The following FLACC1 variants were observed in gnomAD, a reference collection of about 807,000 sequenced individuals.
FLACC1 encodes flagellum-associated coiled-coil domain-containing protein 1.
In FLACC1, 66 loss-of-function variants were observed where a neutral mutation model predicts 62.8. The ratio of observed to expected loss-of-function variants is 1.05; its 90% CI spans 0.86 to 1.29. The LOEUF is 1.29. FLACC1 is among the 50% of genes most tolerant of loss of function. FLACC1 has a pLI of 0.00. For synonymous variants in FLACC1, 156 were observed against 161.0 expected, an observed-to-expected ratio of 0.97 and a Z score of 0.24; for missense variants, 452 against 489.1, an observed-to-expected ratio of 0.92 and a Z score of 0.71.
At chr2:201,299,917 T>C (rs768878288) in intron 11 of FLACC1, among the ~76,000 whole-genome samples, 80 of 152,150 alleles carry the variant, frequency 5.3e-4, no homozygotes, top group Non-Finnish European at 1.5e-4. Flanking sequence ...GACTGGGTAA[T>C]TTATAAAGAA....
intron 6 of FLACC1, among the ~76,000 whole-genome samples, chr2:201,342,650 T>C (rs1950834674): frequency 6.6e-6 from 1 of 152,258 alleles, no homozygotes; most frequent in African/African-American, 2.4e-5. Flanking sequence ...TGTTGTTTTG[T>C]ACTTATTCAG....
chr2:201,346,152 G>C lies in FLACC1; in HGVS notation c.368+390C>G, dbSNP rs1304281991. ...TAAACTCCAGCCTGGGTGGCAGAGAGAGACTCTGTCTCAAAAAAAAAAGTG... is the reference window on the plus strand; with the variant it reads ...TAAACTCCAGCCTGGGTGGCAGAGACAGACTCTGTCTCAAAAAAAAAAGTG... On this transcript the variant is annotated intron_variant, in intron 5 of 14. Coordinates refer to ENST00000392257, the MANE Select transcript of FLACC1 (RefSeq NM_001127391.3). This position sits in a 1 kb window ranked among gnomAD's most constrained non-coding sequence, Gnocchi z 4.0. 1.3e-5 allele frequency among the ~76,000 whole-genome samples: 2 copies of C among 151,892 alleles called. No homozygotes were observed. The highest frequency in any genetic ancestry group is 4.8e-5 in the African/African-American group (2 of 41,344).
At chr2:201,334,937 T>C (rs1447514656) in intron 7 of FLACC1, among the ~76,000 whole-genome samples, 1 of 152,096 alleles carries the variant, frequency 6.6e-6, no homozygotes, top group Non-Finnish European at 1.5e-5. Context: ...TTTTTTTGGA[T>C]GGTAGGCTTT....
At chr2:201,310,251 C>CTATGA (rs370477817) in intron 9 of FLACC1, among the ~76,000 whole-genome samples, 30,833 of 152,012 alleles carry the variant, frequency 0.2, 3,365 homozygotes, top group South Asian at 0.3. Context: ...GATGTTTTCC[C>CTATGA]TGAATATACC....
rs1467130304 is a variant in FLACC1, at chr2:201,344,181, C to A, written c.451G>T (p.Ala151Ser). The change falls in exon 6 of 15, where the codon GCC (alanine) becomes TCC (serine). Residue 151 changes from alanine to serine, a missense_variant. Transcript: ENST00000392257. ...IEQMNRDHQS[A>S]QKLLSSEMDL... The stretch of plus-strand genomic sequence containing the variant: ...GTAAGGTCACTCACCAATTTCTGGG[C>A]AGACTGGTGGTCTCTGTTCATTTGT... 2 of 1,610,874 alleles carry A rather than the reference C, an allele frequency of 1.2e-6. No individual in the cohort carries two copies.
At chr2:201,306,540 T>G (rs1486434165) in intron 11 of FLACC1, among the ~76,000 whole-genome samples, 2 of 152,158 alleles carry the variant, frequency 1.3e-5, no homozygotes, top group African/African-American at 2.4e-5. Context: ...ACAAAAATTA[T>G]TCAAAATAGA....
chr2:201,292,793 C>T (rs1170958665), intron 12 of FLACC1, among the ~76,000 whole-genome samples: 6 of 152,086 alleles, frequency 3.9e-5, no homozygotes, highest in Non-Finnish European at 7.3e-5. Context: ...CATGCAGAGA[C>T]ACACAGAGGC....
At chr2:201,358,036 T>C (rs1400890387), upstream of FLACC1, among the ~76,000 whole-genome samples, 1 of 152,246 alleles carries the variant, frequency 6.6e-6, no homozygotes, top group Admixed American at 6.5e-5. Context: ...GATTTCATGA[T>C]CCTGGTGGGT....
chr2:201,353,803 G>T (rs1951071707), intron 1 of FLACC1, among the ~76,000 whole-genome samples: 1 of 152,150 alleles, frequency 6.6e-6, no homozygotes, highest in Non-Finnish European at 1.5e-5. Flanking sequence ...TCGCCATGTT[G>T]ATCAGGCTGA....
Position 201,351,331 on chromosome 2 carries a change from G to T in FLACC1, c.74C>A (p.Thr25Asn), listed in dbSNP as rs1951023731. ...GGAGTTCTTGCGTGGTAGTTGAGGG[G>T]TCTTGATTAGCTTCCGTGGTCCCAA... is the stretch of plus-strand genomic sequence containing the variant. ...WNLGPRKLIK[T>N]PQLPRKNSTG... Residue 25 changes from threonine to asparagine, a missense_variant, in exon 2 of 15, where the codon ACC becomes AAC. Thr to Asn is a moderately conservative substitution (Grantham distance 65). Around this residue, in one of 3 missense-constraint regions of FLACC1, gnomAD observed 147 missense variants for 152.7 expected, o/e 0.96. Transcript: ENST00000392257. 1.2e-6 allele frequency: 2 copies of T among 1,614,022 alleles called. No homozygotes were observed. Among genetic ancestry groups the T allele is most frequent in the Admixed American group, 3.3e-5 (2 of 60,004 alleles).
intron 12 of FLACC1, among the ~76,000 whole-genome samples, chr2:201,296,270 G>C (rs1028636151): frequency 5.6e-4 from 85 of 151,802 alleles, no homozygotes; most frequent in African/African-American, 1.7e-3. Flanking sequence ...CCCAAATGTC[G>C]AACAATGATA....
intron 1 of FLACC1, among the ~76,000 whole-genome samples, chr2:201,354,287 G>A (rs1031904861): frequency 1.6e-4 from 25 of 152,210 alleles, no homozygotes; most frequent in Admixed American, 4.6e-4. Context: ...CCCTCAGGGA[G>A]CTTGCAGTCA....
At chr2:201,336,219 C>T (rs1950693939) in intron 7 of FLACC1, among the ~76,000 whole-genome samples, 1 of 152,124 alleles carries the variant, frequency 6.6e-6, no homozygotes, top group African/African-American at 2.4e-5. Flanking sequence ...TCTATGTGTA[C>T]ACAATGTTTA....
At chr2:201,325,912 A>C (rs1221199094) in intron 9 of FLACC1, among the ~76,000 whole-genome samples, 1 of 152,216 alleles carries the variant, frequency 6.6e-6, no homozygotes, top group Non-Finnish European at 1.5e-5. Flanking sequence ...TTGAACATAG[A>C]TGCAAAAATC....
chr2:201,290,723 G>C (rs1318830355), intron 12 of FLACC1, among the ~76,000 whole-genome samples: 2 of 152,184 alleles, frequency 1.3e-5, no homozygotes, highest in Non-Finnish European at 2.9e-5. Flanking sequence ...AGCCGAAGCA[G>C]GGCGAGGCAT....
At chr2:201,325,049 G>A (rs112409028) in intron 9 of FLACC1, among the ~76,000 whole-genome samples, 2 of 152,126 alleles carry the variant, frequency 1.3e-5, no homozygotes, top group African/African-American at 4.8e-5. Context: ...TGCGAGAATT[G>A]CTTGAACTTG....
chr2:201,302,612 A>G (rs1017345926), intron 11 of FLACC1, among the ~76,000 whole-genome samples: 2 of 152,224 alleles, frequency 1.3e-5, no homozygotes, highest in African/African-American at 4.8e-5. Flanking sequence ...CTCCACCCCA[A>G]ATCAACAGAA....
At chr2:201,301,666 A>T (rs1290326129) in intron 11 of FLACC1, among the ~76,000 whole-genome samples, 1 of 152,220 alleles carries the variant, frequency 6.6e-6, no homozygotes, top group Admixed American at 6.5e-5. Flanking sequence ...AAAAAATGTT[A>T]AGGGCAGCCA....
At chr2:201,309,413 G>A (rs1162776269) in intron 9 of FLACC1, among the ~76,000 whole-genome samples, 163 bp from the exon 10 acceptor site, 1 of 152,164 alleles carries the variant, frequency 6.6e-6, no homozygotes, top group African/African-American at 2.4e-5. Context: ...CCCTCACTGA[G>A]TGGGTCCTCC....
Sources: gnomAD v4.1 joint callset for allele counts (sites outside exome capture counted in the v4.1 genomes callset) on GRCh38, gnomAD v4.1.1 for gene constraint, gnomAD v4.1.1 regional missense constraint, Gnocchi (gnomAD v3.1) non-coding constraint, MANE v1.5 for transcripts, NCBI Gene and HGNC (gene_info 2026-07-23, HGNC 2026-07-21) for gene names.